The following GRB10 variants were observed in gnomAD, a reference collection of about 807,000 sequenced individuals.
GRB10 encodes the protein growth factor receptor-bound protein 10.
In GRB10, 20 loss-of-function variants were observed where a neutral mutation model predicts 80.9. That is an observed-to-expected ratio of 0.25 (90% confidence interval 0.17 to 0.36). GRB10 has a LOEUF of 0.36. Among genes scored for constraint, GRB10 ranks in the 10% least tolerant of loss-of-function variants. GRB10 has a pLI of 1.00. For synonymous variants in GRB10, 291 were observed against 291.5 expected (o/e 1.00, Z 0.02); for missense variants, 548 against 747.7 (o/e 0.73, Z 3.12).
rs571456282 is a variant in GRB10 at position 50,748,726 on chromosome 7, C to T, written c.-47+7161G>A. ...TGTGGCGGGGACCGAGGCCTTTGGA[C>T]CCCATAGTGCTCCAGGAATAGGGAC... On this transcript the variant is annotated intron_variant, in intron 3 of 18. Transcript: ENST00000401949. 2.6e-5 allele frequency among the ~76,000 whole-genome samples: 4 copies of T among 152,268 alleles called. No homozygotes were observed. In the East Asian group the frequency reaches 7.7e-4, roughly 29 times the overall value.
intron 3 of GRB10, among the ~76,000 whole-genome samples, chr7:50,745,360 A>T (rs2072707954): frequency 6.6e-6 from 1 of 152,242 alleles, no homozygotes; most frequent in Non-Finnish European, 1.5e-5. Flanking sequence ...CTTGAATTTT[A>T]CAAATTCTTA....
intron 7 of GRB10, among the ~76,000 whole-genome samples, chr7:50,627,772 C>T (rs963159): frequency 6.6e-5 from 10 of 152,194 alleles, no homozygotes; most frequent in East Asian, 1.9e-4. Context: ...CTCGACAGCC[C>T]GGAAAAAGCA....
Position 50,604,056 on chromosome 7 carries a change from C to T in GRB10, c.1486G>A (p.Gly496Arg), listed in dbSNP as rs1247618428. 1 of 1,614,096 alleles carries T rather than the reference C, an allele frequency of 6.2e-7. No homozygotes were observed. Among genetic ancestry groups the T allele is most frequent in the Non-Finnish European group, 8.5e-7 (1 of 1,179,968 alleles). Residue 496 changes from glycine to arginine, a missense_variant, in exon 17 of 19, where the codon GGG becomes AGG. Coordinates refer to ENST00000401949, the MANE Select transcript of GRB10 (RefSeq NM_001350814.2). Reference sequence around the variant, plus strand: ...TGGGATTCCTCCCTGGAGATCCTCCCGTGAAACCAGTGCTGTGTCCTGTGA... The same window carrying T: ...TGGGATTCCTCCCTGGAGATCCTCCTGTGAAACCAGTGCTGTGTCCTGTGA... ...VIHRTQHWFH[G>R]RISREESHRI...
At chr7:50,689,355 G>A (rs1408560016) in intron 5 of GRB10, among the ~76,000 whole-genome samples, 2 of 152,234 alleles carry the variant, frequency 1.3e-5, no homozygotes, top group African/African-American at 4.8e-5. Context: ...AAGATGGGAA[G>A]GTTAATGGCT....
chr7:50,600,307 ATACTGTTT>A (rs1319011376), intron 17 of GRB10, among the ~76,000 whole-genome samples: 3 of 152,244 alleles, frequency 2.0e-5, no homozygotes, highest in African/African-American at 7.2e-5. Context: ...GAGGAGAAAC[ATACTGTTT>A]TACAGTTAGA....
chr7:50,702,048 C>T (rs1056781360), intron 5 of GRB10, among the ~76,000 whole-genome samples: 1 of 152,150 alleles, frequency 6.6e-6, no homozygotes, highest in Admixed American at 6.5e-5. Flanking sequence ...TTCCTGCCTC[C>T]CCCTCCCCAC....
chr7:50,682,762 G>C (rs2061685824), intron 5 of GRB10, among the ~76,000 whole-genome samples: 1 of 152,128 alleles, frequency 6.6e-6, no homozygotes, highest in African/African-American at 2.4e-5. Context: ...ACAGAAAATG[G>C]TTTTTATTAA....
At chr7:50,618,014 C>T in intron 10 of GRB10, 57 bp downstream of exon 10, 1 of 1,352,652 alleles carries the variant, frequency 7.4e-7, no homozygotes, top group Non-Finnish European at 1.1e-6. Flanking sequence ...CATTCAGTTC[C>T]AAGAGGATTT....
chr7:50,692,707 C>A (rs1586955825), intron 5 of GRB10, among the ~76,000 whole-genome samples: 5 of 152,202 alleles, frequency 3.3e-5, no homozygotes, highest in Admixed American at 3.3e-4. Flanking sequence ...ATATACCAGG[C>A]AGTATATATG....
intron 4 of GRB10, among the ~76,000 whole-genome samples, chr7:50,716,509 G>A (rs1336249813): frequency 1.3e-5 from 2 of 152,124 alleles, no homozygotes; most frequent in South Asian, 2.1e-4. Flanking sequence ...CAAGAGAAAC[G>A]GATACAGAAA....
chr7:50,719,529 AG>A (rs1472308080), intron 4 of GRB10, among the ~76,000 whole-genome samples: 2 of 29,174 alleles, frequency 6.9e-5, no homozygotes, highest in East Asian at 1.5e-3. Flanking sequence ...TGTCGGGGGT[AG>A]GGGGCGAGGG....
chr7:50,613,982 C>T (rs2050055694), intron 12 of GRB10, among the ~76,000 whole-genome samples: 1 of 152,126 alleles, frequency 6.6e-6, no homozygotes, highest in Admixed American at 6.5e-5. Context: ...CTTCCTATCC[C>T]ACAAGGGGCT....
At chr7:50,746,466 A>G (rs537045845) in intron 3 of GRB10, among the ~76,000 whole-genome samples, 4 of 152,094 alleles carry the variant, frequency 2.6e-5, no homozygotes, top group African/African-American at 9.7e-5. Flanking sequence ...TTTTATACCT[A>G]AGACCGGGAT....
At chr7:50,649,792 A>G (rs956772655) in intron 7 of GRB10, among the ~76,000 whole-genome samples, 1 of 152,144 alleles carries the variant, frequency 6.6e-6, no homozygotes, top group African/African-American at 2.4e-5. Flanking sequence ...CCAAAGGGGG[A>G]ATCAAGGATA....
Position 50,591,899 on chromosome 7 carries a change from A to G in GRB10, c.*1053T>C, listed in dbSNP as rs2045886577. The G allele has an allele frequency of 6.6e-6, 1 of 152,250 alleles. No homozygotes were observed. Among genetic ancestry groups the G allele is most frequent in the Non-Finnish European group, 1.5e-5 (1 of 68,060 alleles). The allele number at this position is 152,250 out of a possible 1,614,324, so 9.4% of individuals were successfully genotyped here. A position where few individuals can be genotyped will look rare whatever the true frequency, so the allele number is the denominator to read the frequency against. ...AACCCATGAGACACAGCACGAAGAC[A>G]ACCAGGTGCCATTTTCTCTTTAGAT... On this transcript the variant is annotated 3_prime_UTR_variant, in exon 19 of 19. Coordinates refer to ENST00000401949, the MANE Select transcript of GRB10 (RefSeq NM_001350814.2).
At chr7:50,614,452 C>T (rs1003042389) in intron 12 of GRB10, among the ~76,000 whole-genome samples, 3 of 152,152 alleles carry the variant, frequency 2.0e-5, no homozygotes, top group African/African-American at 7.2e-5. Flanking sequence ...CTCCCTTGCC[C>T]CACCTCCCCT....
chr7:50,681,746 T>C (rs1032163386), intron 5 of GRB10, among the ~76,000 whole-genome samples: 1 of 152,246 alleles, frequency 6.6e-6, no homozygotes, highest in Non-Finnish European at 1.5e-5. Context: ...ACATTTGACA[T>C]GCTTTCTTCA....
chr7:50,643,264 C>G (rs948463859), intron 7 of GRB10, among the ~76,000 whole-genome samples: 31 of 152,144 alleles, frequency 2.0e-4, no homozygotes, highest in Non-Finnish European at 4.3e-4. Flanking sequence ...TGGGGAAAGA[C>G]TTAATGAGAA....
At chr7:50,702,947 C>T (rs1023309873) in intron 5 of GRB10, among the ~76,000 whole-genome samples, 5 of 152,182 alleles carry the variant, frequency 3.3e-5, no homozygotes, top group East Asian at 1.9e-4. Flanking sequence ...GAGCATACAA[C>T]GTAACACGTT....
Sources: allele counts gnomAD v4.1 joint callset (sites outside exome capture counted in the v4.1 genomes callset), GRCh38; gene constraint gnomAD v4.1.1; transcripts MANE v1.5; gene names NCBI Gene and HGNC (gene_info 2026-07-23, HGNC 2026-07-21).